The following RBMS3 variants were observed in gnomAD, a reference collection of about 807,000 sequenced individuals.
The protein encoded by RBMS3 is RNA-binding motif, single-stranded-interacting protein 3.
In RBMS3, 27 loss-of-function variants were observed where a neutral mutation model predicts 66.8. That is an observed-to-expected ratio of 0.40 (90% CI 0.30 to 0.56). The LOEUF is 0.56. RBMS3 is among the 20% of genes least tolerant of loss of function. RBMS3 has a pLI of 0.40. For missense variants in RBMS3, 513 were observed against 549.5 expected, an observed-to-expected ratio of 0.93 and a Z score of 0.66; for synonymous variants, 188 against 183.0, an observed-to-expected ratio of 1.03 and a Z score of -0.22.
chr3:29,391,962 C>T (rs1005419551), intron 1 of RBMS3, among the ~76,000 whole-genome samples: 3 of 151,910 alleles, frequency 2.0e-5, no homozygotes, highest in Non-Finnish European at 2.9e-5. Flanking sequence ...ATTAAGAAAA[C>T]GTAGAGGCCT....
intron 3 of RBMS3, among the ~76,000 whole-genome samples, chr3:29,491,574 T>C (rs1575994141): frequency 6.6e-6 from 1 of 151,842 alleles, no homozygotes; most frequent in South Asian, 2.1e-4. Flanking sequence ...GTCTCACCAA[T>C]AAATATGGAA....
At chr3:29,287,516 G>A (rs1163691429) in intron 1 of RBMS3, among the ~76,000 whole-genome samples, 1 of 151,924 alleles carries the variant, frequency 6.6e-6, no homozygotes, top group Non-Finnish European at 1.5e-5. Flanking sequence ...AAGATATTTG[G>A]AAATATGATG....
chr3:29,910,810 C>T lies in RBMS3; in HGVS notation c.939+11055C>T, dbSNP rs57626832. Among the ~76,000 whole-genome samples, 1,293 of 151,422 alleles carry T rather than the reference C, an allele frequency of 8.5e-3. 16 individuals are homozygous for T. Among genetic ancestry groups the T allele is most frequent in the African/African-American group, 0.03 (1,235 of 41,218 alleles). On this transcript the variant is annotated intron_variant, in intron 10 of 14. Coordinates refer to ENST00000383767, the MANE Select transcript of RBMS3 (RefSeq NM_001003793.3). ...TTTTCATGTGTGTGTTTGTGTATGGCGTGTACGGATTAATCAGGTTTGCTT... is the reference window on the plus strand; with the variant it reads ...TTTTCATGTGTGTGTTTGTGTATGGTGTGTACGGATTAATCAGGTTTGCTT...
chr3:29,532,260 ATG>A (rs34409074), intron 3 of RBMS3, among the ~76,000 whole-genome samples: 16,709 of 49,338 alleles, frequency 0.34, 1,386 homozygotes, highest in Non-Finnish European at 0.38. Context: ...ATATATATAT[ATG>A]TATATATATA....
intron 1 of RBMS3, among the ~76,000 whole-genome samples, chr3:29,306,038 C>T (rs2033985950): frequency 6.6e-6 from 1 of 151,962 alleles, no homozygotes; most frequent in Non-Finnish European, 1.5e-5. Context: ...TGTCTTCACA[C>T]TCCCATGCCC....
chr3:29,300,227 G>A (rs1263872589), intron 1 of RBMS3, among the ~76,000 whole-genome samples: 1 of 151,970 alleles, frequency 6.6e-6, no homozygotes, highest in Non-Finnish European at 1.5e-5. Flanking sequence ...GAATATTACT[G>A]AATAGGTGAA....
chr3:29,634,023 TG>T (rs1283482014), intron 4 of RBMS3, among the ~76,000 whole-genome samples: 1 of 151,924 alleles, frequency 6.6e-6, no homozygotes. Flanking sequence ...TACTAATTTT[TG>T]CTTCTGACAA....
Position 29,904,805 on chromosome 3 carries a change from A to C in RBMS3, c.939+5050A>C, listed in dbSNP as rs547508468. Reference sequence around the variant, plus strand: ...TTTCTGAATCCTATGAGTTGAGTTGATTTTCACGTGTTTATTGACTAATTT... The same window carrying C: ...TTTCTGAATCCTATGAGTTGAGTTGCTTTTCACGTGTTTATTGACTAATTT... On this transcript the variant is annotated intron_variant, in intron 10 of 14. Coordinates refer to ENST00000383767, the MANE Select transcript of RBMS3 (RefSeq NM_001003793.3). 4.0e-5 allele frequency among the ~76,000 whole-genome samples: 6 copies of C among 151,884 alleles called. No individual in the cohort carries two copies. The East Asian group carries it at 5.8e-4, about 15-fold the overall frequency.
At chr3:29,818,597 C>T (rs1245266148) in intron 6 of RBMS3, among the ~76,000 whole-genome samples, 1 of 152,014 alleles carries the variant, frequency 6.6e-6, no homozygotes, top group Non-Finnish European at 1.5e-5. Flanking sequence ...TACTATAAAA[C>T]TTCCAATGCG....
chr3:30,004,944 A>C lies in RBMS3; in HGVS notation c.*1082A>C, dbSNP rs73829223. The C allele has an allele frequency of 0.16, 24,232 of 149,322 alleles. 2,175 individuals are homozygous for C. The highest frequency in any genetic ancestry group is 0.35 in the East Asian group (1,747 of 4,998). 9.2% of individuals were successfully genotyped at this position (149,322 alleles called of 1,614,324 possible). A position where few individuals can be genotyped will look rare whatever the true frequency, so the allele number is the denominator to read the frequency against. ...ATGGTCAAAAAGTGCAAAAAAAAAA[A>C]CAAAAAAAAAGCAATAGATAGAGAA... On this transcript the variant is annotated 3_prime_UTR_variant, in exon 15 of 15. Coordinates refer to ENST00000383767, the MANE Select transcript of RBMS3 (RefSeq NM_001003793.3).
At chr3:30,000,266 T>G (rs1008368039) in intron 14 of RBMS3, among the ~76,000 whole-genome samples, 65 of 152,252 alleles carry the variant, frequency 4.3e-4, no homozygotes, top group Middle Eastern at 6.8e-3. Flanking sequence ...AAGACATTTA[T>G]GCAGCCAACA....
intron 10 of RBMS3, among the ~76,000 whole-genome samples, chr3:29,930,887 G>A (rs2061103243): frequency 1.3e-5 from 2 of 152,118 alleles, no homozygotes; most frequent in South Asian, 4.1e-4. Flanking sequence ...CCCCTTGGGA[G>A]AACAAGTTTT....
At chr3:29,558,166 C>G (rs1290189827) in intron 3 of RBMS3, among the ~76,000 whole-genome samples, 2 of 151,988 alleles carry the variant, frequency 1.3e-5, no homozygotes, top group African/African-American at 4.8e-5. Flanking sequence ...CATACACATC[C>G]CATAACGGCA....
intron 6 of RBMS3, among the ~76,000 whole-genome samples, chr3:29,802,887 C>T (rs1399146226): frequency 2.0e-5 from 3 of 152,088 alleles, no homozygotes; most frequent in Non-Finnish European, 4.4e-5. Flanking sequence ...TTATAAGACC[C>T]TTTCTGCCCT....
intron 3 of RBMS3, among the ~76,000 whole-genome samples, chr3:29,560,919 T>G (rs974739921): frequency 6.6e-6 from 1 of 152,104 alleles, no homozygotes; most frequent in Non-Finnish European, 1.5e-5. Flanking sequence ...GGTCCCAGTG[T>G]GTGTTGTTAC....
At chr3:29,954,291 A>G (rs1695879770) in intron 12 of RBMS3, among the ~76,000 whole-genome samples, 1 of 151,698 alleles carries the variant, frequency 6.6e-6, no homozygotes, top group South Asian at 2.1e-4. Context: ...AAAGTTTCCA[A>G]CTACTTCCTA....
chr3:29,540,306 T>C (rs2045710804), intron 3 of RBMS3, among the ~76,000 whole-genome samples: 1 of 152,188 alleles, frequency 6.6e-6, no homozygotes, highest in South Asian at 2.1e-4. Context: ...GACAACAGAA[T>C]TTTTTATTTT....
At chr3:29,405,145 C>G (rs1216072229) in intron 1 of RBMS3, among the ~76,000 whole-genome samples, 3 of 152,052 alleles carry the variant, frequency 2.0e-5, no homozygotes, top group Non-Finnish European at 4.4e-5. Context: ...AAGTTCTTCT[C>G]AAAAGAGAGT....
chr3:29,372,157 G>A (rs2038239374), intron 1 of RBMS3, among the ~76,000 whole-genome samples: 1 of 152,064 alleles, frequency 6.6e-6, no homozygotes, highest in Non-Finnish European at 1.5e-5. Flanking sequence ...AAGAAACCCT[G>A]TCTCTACTAA....
Sources: allele counts gnomAD v4.1 joint callset (sites outside exome capture counted in the v4.1 genomes callset), GRCh38; gene constraint gnomAD v4.1.1; transcripts MANE v1.5; gene names NCBI Gene and HGNC (gene_info 2026-07-23, HGNC 2026-07-21).